The following LRP1B variants were observed in gnomAD, a reference collection of about 807,000 sequenced individuals.
LRP1B encodes the protein LDL receptor related protein 1B, also known as low-density lipoprotein receptor-related protein 1B.
In LRP1B, 217 loss-of-function variants were observed where a neutral mutation model predicts 556.6. That is an observed-to-expected ratio of 0.39 (90% CI 0.35 to 0.44). The LOEUF (loss-of-function observed/expected upper bound fraction) is 0.44. Among genes scored for constraint, LRP1B ranks in the 20% least tolerant of loss-of-function variants. The probability of loss-of-function intolerance (pLI) is 1.00; values close to 1 mark genes in which losing one functional copy is unlikely to be tolerated. For synonymous variants in LRP1B, 2,047 were observed against 1,865.8 expected (o/e 1.10, Z -2.50); for missense variants, 5,053 against 5,620.8 (o/e 0.90, Z 3.23).
chr2:140,588,886 G>T (rs1682101516), intron 43 of LRP1B, among the ~76,000 whole-genome samples: 1 of 151,216 alleles, frequency 6.6e-6, no homozygotes, highest in African/African-American at 2.4e-5. Flanking sequence ...CTTGAACCCA[G>T]GAGGCAGAGG....
chr2:141,284,676 T>A (rs1685639082), intron 3 of LRP1B, among the ~76,000 whole-genome samples: 1 of 152,216 alleles, frequency 6.6e-6, no homozygotes, highest in African/African-American at 2.4e-5. Flanking sequence ...TTACATGTAT[T>A]ATTTTCCATG....
At chr2:140,957,939 T>C (rs945913802) in intron 18 of LRP1B, among the ~76,000 whole-genome samples, 1 of 151,412 alleles carries the variant, frequency 6.6e-6, no homozygotes, top group Non-Finnish European at 1.5e-5. Context: ...CCCTTGAAAA[T>C]AGATGATCAC....
chr2:141,904,090 C>T (rs1699693080), intron 1 of LRP1B, among the ~76,000 whole-genome samples: 1 of 151,682 alleles, frequency 6.6e-6, no homozygotes, highest in South Asian at 2.1e-4. Context: ...GGATTTTATG[C>T]CAAGTGAAAT....
At chr2:141,119,484 T>G (rs1027903644) in intron 7 of LRP1B, among the ~76,000 whole-genome samples, 1 of 151,894 alleles carries the variant, frequency 6.6e-6, no homozygotes, top group Middle Eastern at 3.4e-3. Context: ...GAATACAATT[T>G]CACACTCACT....
intron 1 of LRP1B, among the ~76,000 whole-genome samples, chr2:141,873,451 G>A (rs570641330): frequency 6.6e-6 from 1 of 151,942 alleles, no homozygotes; most frequent in Admixed American, 6.6e-5. Context: ...GGGAATCAGA[G>A]TTCTCATCAT....
chr2:141,999,312 G>C (rs1205047044), intron 1 of LRP1B, among the ~76,000 whole-genome samples: 3 of 152,054 alleles, frequency 2.0e-5, no homozygotes, highest in Non-Finnish European at 2.9e-5. Context: ...GAGAGTGGGG[G>C]TCCATCAGTT....
At chr2:142,066,390 T>A (rs989412284) in intron 1 of LRP1B, among the ~76,000 whole-genome samples, 5 of 151,508 alleles carry the variant, frequency 3.3e-5, no homozygotes, top group Non-Finnish European at 5.9e-5. Context: ...AATCTCCCCA[T>A]GTACATATCC....
chr2:140,401,932 C>G (rs924505258), intron 66 of LRP1B, among the ~76,000 whole-genome samples: 1 of 152,202 alleles, frequency 6.6e-6, no homozygotes, highest in East Asian at 1.9e-4. Flanking sequence ...AGACAGCACA[C>G]TATCTGTAAC....
intron 2 of LRP1B, among the ~76,000 whole-genome samples, chr2:141,798,705 CAAAAA>C (rs151310050): frequency 4.8e-5 from 3 of 62,116 alleles, no homozygotes; most frequent in African/African-American, 2.0e-4. Flanking sequence ...GACTCTGTCT[CAAAAA>C]AAAAAAAAAA....
At chr2:141,556,689 G>A (rs1249238164) in intron 2 of LRP1B, among the ~76,000 whole-genome samples, 1 of 151,850 alleles carries the variant, frequency 6.6e-6, no homozygotes, top group Non-Finnish European at 1.5e-5. Flanking sequence ...AAGAACATGA[G>A]AGTTTAAATC....
intron 27 of LRP1B, among the ~76,000 whole-genome samples, chr2:140,855,707 A>C (rs1331475622): frequency 6.6e-6 from 1 of 152,040 alleles, no homozygotes; most frequent in Non-Finnish European, 1.5e-5. Context: ...TCACATCTGT[A>C]ATCCCAGGGC....
intron 66 of LRP1B, among the ~76,000 whole-genome samples, chr2:140,416,892 C>A (rs766096978): frequency 6.6e-6 from 1 of 152,126 alleles, no homozygotes; most frequent in Non-Finnish European, 1.5e-5. Flanking sequence ...GGAAAACCCA[C>A]AAGCTAAAAT....
At chr2:141,241,882 G>T (rs749074019) in intron 5 of LRP1B, among the ~76,000 whole-genome samples, 2 of 151,644 alleles carry the variant, frequency 1.3e-5, no homozygotes, top group African/African-American at 2.4e-5. Context: ...TGAAGTTACG[G>T]CTCAATGAAA....
chr2:141,700,981 C>A (rs1041953539), intron 2 of LRP1B, among the ~76,000 whole-genome samples: 1 of 151,748 alleles, frequency 6.6e-6, no homozygotes, highest in Non-Finnish European at 1.5e-5. Flanking sequence ...ATCATATCTC[C>A]TCAAGTTTCT....
At chr2:140,730,822 G>T (rs898378240) in intron 35 of LRP1B, among the ~76,000 whole-genome samples, 5 of 152,248 alleles carry the variant, frequency 3.3e-5, no homozygotes, top group African/African-American at 1.2e-4. Flanking sequence ...CTCCCAAATT[G>T]CTGAGATTAC....
At chr2:140,461,125 T>G (rs10186372) in intron 60 of LRP1B, among the ~76,000 whole-genome samples, 1 of 150,972 alleles carries the variant, frequency 6.6e-6, no homozygotes, top group Non-Finnish European at 1.5e-5. Flanking sequence ...ATCCAGAACA[T>G]GGTTTTGGCT....
chr2:140,485,890 G>A (rs567123155), intron 58 of LRP1B, among the ~76,000 whole-genome samples: 3 of 105,472 alleles, frequency 2.8e-5, no homozygotes, highest in African/African-American at 9.1e-5. Context: ...CACAAACTTA[G>A]AGATATTATT....
chr2:141,167,315 T>C (rs537834831), intron 7 of LRP1B: 1 of 152,020 alleles, frequency 6.6e-6, no homozygotes, highest in East Asian at 1.9e-4. Flanking sequence ...GAATCTTCTT[T>C]GTATCATTCC....
chr2:141,877,509 A>G (rs972331087), intron 1 of LRP1B, among the ~76,000 whole-genome samples: 1 of 152,036 alleles, frequency 6.6e-6, no homozygotes, highest in African/African-American at 2.4e-5. Flanking sequence ...GCTGACACAG[A>G]AAGTTCTGAG....
Sources: allele counts gnomAD v4.1 joint callset (sites outside exome capture counted in the v4.1 genomes callset), GRCh38; gene constraint gnomAD v4.1.1; transcripts MANE v1.5; gene names NCBI Gene and HGNC (gene_info 2026-07-23, HGNC 2026-07-21).